Variants in CMIP observed in about 807,000 individuals in gnomAD.
CMIP encodes the protein C-Maf-inducing protein.
In CMIP, 13 loss-of-function variants were observed where a neutral mutation model predicts 97.3. That is an observed-to-expected ratio of 0.13 (90% confidence interval 0.09 to 0.21). CMIP has a LOEUF of 0.21. Ranked by LOEUF, CMIP falls within the 10% of genes least tolerant of loss-of-function variation. The pLI is 1.00. For missense variants in CMIP, 847 were observed against 1,024.9 expected, an observed-to-expected ratio of 0.83 and a Z score of 2.37; for synonymous variants, 538 against 436.3, an observed-to-expected ratio of 1.23 and a Z score of -2.91.
rs572699478 is a variant in CMIP at position 81,614,864 on chromosome 16, G to A, written c.427-6012G>A. Reference sequence around the variant, plus strand: ...TGTATGCACATGTATCTCTGTGTGTGCATGTGTGTGTGGTATGTGCATGTG... The same window carrying A: ...TGTATGCACATGTATCTCTGTGTGTACATGTGTGTGTGGTATGTGCATGTG... On this transcript the variant is annotated intron_variant, in intron 2 of 20. Transcript: ENST00000537098. This position sits in a 1 kb window ranked among gnomAD's most constrained non-coding sequence, Gnocchi z 5.3. 2.0e-4 allele frequency among the ~76,000 whole-genome samples: 31 copies of A among 151,810 alleles called. No individual in the cohort carries two copies. The highest frequency in any genetic ancestry group is 7.5e-4 in the African/African-American group (31 of 41,324).
At chr16:81,495,516 G>C in intron 1 of CMIP, 2 of 1,612,108 alleles carry the variant, frequency 1.2e-6, no homozygotes, top group Non-Finnish European at 1.7e-6. Flanking sequence ...TGTGGGGAAC[G>C]ACTCTGTCCA....
intron 1 of CMIP, among the ~76,000 whole-genome samples, chr16:81,469,448 C>T (rs943097251): frequency 3.3e-5 from 5 of 152,238 alleles, no homozygotes; most frequent in Admixed American, 6.5e-5. Flanking sequence ...TAATGCACAT[C>T]TGGTGTTAGC....
Position 81,680,443 on chromosome 16 carries a change from T to C in CMIP, c.1388+1815T>C, listed in dbSNP as rs115405544. ...TGCGCACACACGTTCACAAGGTGGC[T>C]GCTGCTGGTTTGAAGGAGATCGTGG... On this transcript the variant is annotated intron_variant, in intron 10 of 20. Transcript: ENST00000537098. 7.1e-3 allele frequency among the ~76,000 whole-genome samples: 1,076 copies of C among 152,342 alleles called. 25 individuals carry two copies. The highest frequency in any genetic ancestry group is 0.025 in the African/African-American group (1,037 of 41,584).
chr16:81,629,712 G>T (rs1347718077), intron 3 of CMIP, among the ~76,000 whole-genome samples: 1 of 152,188 alleles, frequency 6.6e-6, no homozygotes. Flanking sequence ...TGTGAGCCTC[G>T]CCAAGGCATG....
chr16:81,685,776 C>G (rs1905317622), intron 10 of CMIP, among the ~76,000 whole-genome samples: 1 of 151,270 alleles, frequency 6.6e-6, no homozygotes, highest in Admixed American at 6.6e-5. Flanking sequence ...GTTGCCCAAG[C>G]CAGTCTCGAA....
intron 1 of CMIP, among the ~76,000 whole-genome samples, chr16:81,563,627 A>G (rs892735015): frequency 3.9e-5 from 6 of 152,184 alleles, no homozygotes; most frequent in Non-Finnish European, 7.3e-5. Context: ...TTCGGGTTCC[A>G]TATTGAGCAT....
chr16:81,633,911 C>T (rs1254980342), intron 3 of CMIP, among the ~76,000 whole-genome samples: 1 of 152,238 alleles, frequency 6.6e-6, no homozygotes, highest in African/African-American at 2.4e-5. Context: ...TTCATCATGT[C>T]TGTTGACTTT....
intron 1 of CMIP, among the ~76,000 whole-genome samples, chr16:81,502,878 A>G (rs1465224783): frequency 1.3e-5 from 2 of 152,210 alleles, no homozygotes; most frequent in African/African-American, 4.8e-5. Flanking sequence ...GCCAGTCCCC[A>G]GGCTGTGCGG....
At chr16:81,659,182 C>A (rs2151017399) in intron 5 of CMIP, among the ~76,000 whole-genome samples, 1 of 152,316 alleles carries the variant, frequency 6.6e-6, no homozygotes, top group South Asian at 2.1e-4. Flanking sequence ...AGTATTAATT[C>A]ATCAATTCAT....
At chr16:81,596,078 A>G (rs968444405) in intron 1 of CMIP, among the ~76,000 whole-genome samples, 2 of 152,062 alleles carry the variant, frequency 1.3e-5, no homozygotes, top group East Asian at 3.8e-4. Flanking sequence ...GTTTTTCTCT[A>G]TCCATCCTAG....
intron 1 of CMIP, among the ~76,000 whole-genome samples, chr16:81,564,028 C>G (rs2090934407): frequency 6.6e-6 from 1 of 152,230 alleles, no homozygotes; most frequent in African/African-American, 2.4e-5. Flanking sequence ...AGCCATTCTC[C>G]CATTTCGTCC....
chr16:81,571,579 A>G lies in CMIP; in HGVS notation c.301-35988A>G, dbSNP rs1234648340. The stretch of plus-strand genomic sequence containing the variant: ...AGTTTGGGCAACATAGTGAGATCTC[A>G]TCTCTACCAAAAAAAAAAAAAAAAA... On this transcript the variant is annotated intron_variant, in intron 1 of 20. Transcript: ENST00000537098. Among the ~76,000 whole-genome samples, 78 of 129,106 alleles carry G rather than the reference A, an allele frequency of 6.0e-4. 1 individual carries two copies. The highest frequency in any genetic ancestry group is 2.4e-3 in the African/African-American group (78 of 32,018). The allele number at this position is 129,106 out of a possible 152,430, so 84.7% of individuals were successfully genotyped here. A position where few individuals can be genotyped will look rare whatever the true frequency, so the allele number is the denominator to read the frequency against.
chr16:81,460,544 C>T (rs1449626560), intron 1 of CMIP, among the ~76,000 whole-genome samples: 1 of 152,198 alleles, frequency 6.6e-6, no homozygotes, highest in African/African-American at 2.4e-5. Context: ...CCTGGGCACA[C>T]TTGGACGGCT....
chr16:81,570,855 G>T (rs921604488), intron 1 of CMIP, among the ~76,000 whole-genome samples: 1 of 152,106 alleles, frequency 6.6e-6, no homozygotes, highest in Non-Finnish European at 1.5e-5. Context: ...GCCCTCCTGT[G>T]TCCCAGGTGC....
chr16:81,627,778 A>T lies in CMIP; in HGVS notation c.477+6852A>T, dbSNP rs1567619172. Reference sequence around the variant, plus strand: ...AGCCAGATGCCTCCCAGCGAGGGTCACAATCTCGCTTCCACCTCATGAGTG... The same window carrying T: ...AGCCAGATGCCTCCCAGCGAGGGTCTCAATCTCGCTTCCACCTCATGAGTG... On this transcript the variant is annotated intron_variant, in intron 3 of 20. Coordinates refer to ENST00000537098, the MANE Select transcript of CMIP (RefSeq NM_198390.3). The surrounding 1 kb of genome is among the most constrained non-coding windows in gnomAD (Gnocchi z 4.6). 6.6e-6 allele frequency among the ~76,000 whole-genome samples: 1 copy of T among 152,174 alleles called. No individual in the cohort carries two copies. The highest frequency in any genetic ancestry group is 1.5e-5 in the Non-Finnish European group (1 of 68,012).
Position 81,652,781 on chromosome 16 carries a change from G to A in CMIP, c.639+417G>A, listed in dbSNP as rs1479551760. On this transcript the variant is annotated intron_variant, in intron 4 of 20. Coordinates refer to ENST00000537098, the MANE Select transcript of CMIP (RefSeq NM_198390.3). This position sits in a 1 kb window ranked among gnomAD's most constrained non-coding sequence, Gnocchi z 5.2. ...AAAAATCAGGAGATTTCACAGTACA[G>A]TGGGAATTTCCAGGTTCTCTTTAAA... Among the ~76,000 whole-genome samples, 1 of 152,200 alleles carries A rather than the reference G, an allele frequency of 6.6e-6. No individual in the cohort carries two copies. Among genetic ancestry groups the A allele is most frequent in the African/African-American group, 2.4e-5 (1 of 41,456 alleles).
At chr16:81,661,064 G>A (rs557676317) in intron 6 of CMIP, 118 bp downstream of exon 6, 89 of 1,230,230 alleles carry the variant, frequency 7.2e-5, no homozygotes, top group Admixed American at 1.5e-4. Flanking sequence ...CTTGGGTCAC[G>A]GTCCCAGACA....
intron 1 of CMIP, among the ~76,000 whole-genome samples, chr16:81,579,292 G>C (rs1049601720): frequency 3.3e-5 from 5 of 152,216 alleles, no homozygotes; most frequent in African/African-American, 1.2e-4. Flanking sequence ...CCATGGGGCA[G>C]CTCTCAGGTG....
At chr16:81,553,186 G>A (rs2090693234) in intron 1 of CMIP, among the ~76,000 whole-genome samples, 1 of 152,160 alleles carries the variant, frequency 6.6e-6, no homozygotes, top group Non-Finnish European at 1.5e-5. Context: ...CCCTGACTGT[G>A]GCCTGCTCCG....
Sources: allele counts gnomAD v4.1 joint callset (sites outside exome capture counted in the v4.1 genomes callset), GRCh38; gene constraint gnomAD v4.1.1; non-coding constraint Gnocchi (gnomAD v3.1); transcripts MANE v1.5; gene names NCBI Gene and HGNC (gene_info 2026-07-23, HGNC 2026-07-21).